The following GRHPR variants were observed in gnomAD, a reference collection of about 807,000 sequenced individuals.
The protein encoded by GRHPR is glyoxylate reductase/hydroxypyruvate reductase.
Under a neutral mutation model 36.8 loss-of-function variants are expected in GRHPR, and 35 were observed. The observed-to-expected ratio is 0.95, with a 90% confidence interval of 0.73 to 1.26. The LOEUF is 1.26. Ranked by LOEUF, GRHPR falls within the 50% of genes most tolerant of loss-of-function variation. The pLI is 0.00. For synonymous variants in GRHPR, 179 were observed against 181.0 expected, an observed-to-expected ratio of 0.99 and a Z score of 0.09; for missense variants, 380 against 435.0, an observed-to-expected ratio of 0.87 and a Z score of 1.12.
At chr9:37,423,342 A>AT (rs35417895) in intron 1 of GRHPR, among the ~76,000 whole-genome samples, 56 of 146,578 alleles carry the variant, frequency 3.8e-4, no homozygotes, top group South Asian at 1.3e-3. Context: ...TAATTTTCTG[A>AT]TTTTTTTTTT....
rs765478360 is a variant in GRHPR at position 37,432,081 on chromosome 9, G to A, written c.808G>A (p.Val270Met). Residue 270 changes from valine to methionine, a missense_variant, in exon 8 of 9, where the codon GTG (valine) becomes ATG (methionine). By Grantham distance (21) the Val-to-Met change is conservative (BLOSUM62 1). Coordinates refer to ENST00000318158, the MANE Select transcript of GRHPR (RefSeq NM_012203.2). ...SGKIAAAGLD[V>M]TSPEPLPTNH... ...TAAGATTGCAGCTGCTGGACTGGAT[G>A]TGACGAGCCCAGAACCACTGCCTAC... 3.7e-6 allele frequency: 6 copies of A among 1,613,996 alleles called. No individual in the cohort carries two copies. Among genetic ancestry groups the A allele is most frequent in the Non-Finnish European group, 1.7e-6 (2 of 1,179,850 alleles).
At chr9:37,437,595 G>A (rs1296362113), downstream of GRHPR, among the ~76,000 whole-genome samples, 1 of 152,170 alleles carries the variant, frequency 6.6e-6, no homozygotes, top group African/African-American at 2.4e-5. Flanking sequence ...TTAGAGGTAG[G>A]TGGGTTTAAT....
chr9:37,435,398 G>T (rs1480175377), intron 8 of GRHPR, among the ~76,000 whole-genome samples: 3 of 152,186 alleles, frequency 2.0e-5, no homozygotes, highest in Non-Finnish European at 2.9e-5. Flanking sequence ...TTTCTATTTG[G>T]ATGGTGAAAA....
intron 8 of GRHPR, 100 bp downstream of exon 8, chr9:37,432,238 G>A: frequency 8.5e-7 from 1 of 1,171,850 alleles, no homozygotes; most frequent in African/African-American, 1.5e-5. Context: ...GTGTGAGCAG[G>A]TGTTGAACCC....
upstream of GRHPR, chr9:37,422,573 G>A (rs562744658): frequency 7.7e-6 from 5 of 647,266 alleles, no homozygotes; most frequent in East Asian, 1.2e-4. Flanking sequence ...GTCACTCCCC[G>A]AGCACGCACA....
chr9:37,427,421 C>G (rs546918240), intron 4 of GRHPR, among the ~76,000 whole-genome samples: 1 of 152,232 alleles, frequency 6.6e-6, no homozygotes, highest in East Asian at 1.9e-4. Flanking sequence ...AGGCTGCTGC[C>G]CAGACACTGC....
At chr9:37,429,655 C>T (rs773515524) in intron 5 of GRHPR, 77 bp from the exon 6 acceptor site, 9 of 945,620 alleles carry the variant, frequency 9.5e-6, no homozygotes, top group Middle Eastern at 2.1e-4. Context: ...CCCTGAGGGC[C>T]GCTGTTCCAG....
Position 37,436,644 on chromosome 9 carries a change from C to CTT in GRHPR, c.866-16_866-15insTT. On this transcript the variant is annotated splice_polypyrimidine_tract_variant and intron_variant, in intron 8 of 8. Transcript: ENST00000318158. Reference sequence around the variant, plus strand: ...CCACCCTTCTTATCTCCCTCTCTCTCTCTCTCTCCTTTCCAGTGATTCTGC... The same window carrying CTT: ...CCACCCTTCTTATCTCCCTCTCTCTCTTTCTCTCTCCTTTCCAGTGATTCTGC... 1 of 1,613,826 alleles carries CTT rather than the reference C, an allele frequency of 6.2e-7. No individual in the cohort carries two copies. The highest frequency in any genetic ancestry group is 1.1e-5 in the South Asian group (1 of 91,056).
Position 37,431,565 on chromosome 9 carries a change from G to A in GRHPR, c.735-443G>A, listed in dbSNP as rs79446538. The A allele has an allele frequency of 6.2e-3, 1,577 of 254,776 alleles. 7 individuals are homozygous for A. The highest frequency in any genetic ancestry group is 1.0e-2 in the Middle Eastern group (7 of 702). 15.8% of individuals were successfully genotyped at this position (254,776 alleles called of 1,614,324 possible). ...CGTTCCTCTGCCCTGGTTTAGACAG[G>A]TACCTGATAGCACACTGTGGTGCTT... is the stretch of plus-strand genomic sequence containing the variant. On this transcript the variant is annotated intron_variant, in intron 7 of 8. Coordinates refer to ENST00000318158, the MANE Select transcript of GRHPR (RefSeq NM_012203.2).
chr9:37,430,211 G>A lies in GRHPR; in HGVS notation c.599-300G>A, dbSNP rs576402760. 6.0e-5 allele frequency: 33 copies of A among 551,460 alleles called. No homozygotes were observed. In the South Asian group the frequency reaches 6.5e-4, roughly 11 times the overall value. The allele number at this position is 551,460 out of a possible 1,614,324, so 34.2% of individuals were successfully genotyped here. A position where few individuals can be genotyped will look rare whatever the true frequency, so the allele number is the denominator to read the frequency against. ...GCCTTTGTGTGCGCCCCTTAGTCCA[G>A]GCGGATCCAGCACCTGGCGGGTCCA... On this transcript the variant is annotated intron_variant, in intron 6 of 8. Transcript: ENST00000318158.
At position 37,425,909 on chromosome 9, in the gene GRHPR, T is replaced by C; in HGVS notation, c.215-13T>C. ...CGAGGAAAGATACTAACAATGCACT[T>C]TCTGCACAACAGGGGCCAATCTCAA... On this transcript the variant is annotated splice_polypyrimidine_tract_variant and intron_variant, in intron 2 of 8. Coordinates refer to ENST00000318158, the MANE Select transcript of GRHPR (RefSeq NM_012203.2). 1 of 1,604,030 alleles carries C rather than the reference T, an allele frequency of 6.2e-7. No individual in the cohort carries two copies. The highest frequency in any genetic ancestry group is 1.7e-5 in the Admixed American group (1 of 59,984).
upstream of GRHPR, chr9:37,422,679 C>A: frequency 8.0e-7 from 1 of 1,254,518 alleles, no homozygotes; most frequent in Non-Finnish European, 1.1e-6. Context: ...CCAGCCTGGC[C>A]CCGCCCCGGC....
intron 1 of GRHPR, 106 bp from the exon 2 acceptor site, chr9:37,424,739 C>CG: frequency 7.4e-7 from 1 of 1,352,526 alleles, no homozygotes; most frequent in Non-Finnish European, 1.0e-6. Context: ...CAGCCAGCCC[C>CG]GGGCAGCCTG....
In GRHPR at chr9:37,422,704, G is replaced by T. The variant is rs764081167; in HGVS notation, c.-47G>T. The T allele has an allele frequency of 1.4e-6, 2 of 1,430,086 alleles. No individual in the cohort carries two copies. Among genetic ancestry groups the T allele is most frequent in the Non-Finnish European group, 1.9e-6 (2 of 1,036,754 alleles). 88.6% of individuals were successfully genotyped at this position (1,430,086 alleles called of 1,614,324 possible). A position where few individuals can be genotyped will look rare whatever the true frequency, so the allele number is the denominator to read the frequency against. ...CCCGCCCCGGCCCAGCTACATTCCC[G>T]GGCCAGCTTCTGTACTGCCAGGTCC... On this transcript the variant is annotated 5_prime_UTR_variant, in exon 1 of 9. Transcript: ENST00000318158.
chr9:37,431,602 T>G, intron 7 of GRHPR: 1 of 258,590 alleles, frequency 3.9e-6, no homozygotes, highest in Non-Finnish European at 7.6e-6. Context: ...TCAGTGGGGG[T>G]CTGGGGGTCA....
chr9:37,427,838 C>CA (rs1157647918), intron 4 of GRHPR: 7,123 of 86,332 alleles, frequency 0.083, 535 homozygotes, highest in African/African-American at 0.26. Flanking sequence ...ACCCTGTCTC[C>CA]AAAAAAAAAA....
intron 1 of GRHPR, among the ~76,000 whole-genome samples, chr9:37,423,117 G>A (rs1274740030): frequency 6.6e-6 from 1 of 152,102 alleles, no homozygotes; most frequent in East Asian, 1.9e-4. Context: ...CAGGCCCTTG[G>A]ACGTTTGGCA....
intron 8 of GRHPR, chr9:37,434,481 TC>T: frequency 1.8e-6 from 1 of 561,192 alleles, no homozygotes; most frequent in Admixed American, 2.5e-5. Context: ...CAGATCTTTG[TC>T]CCCAAGAAGG....
Position 37,422,770 on chromosome 9 carries a change from T to G in GRHPR, c.20T>G (p.Met7Arg), listed in dbSNP as rs1358053668. 3 of 1,596,780 alleles carry G rather than the reference T, an allele frequency of 1.9e-6. No homozygotes were observed. The highest frequency in any genetic ancestry group is 8.5e-7 in the Non-Finnish European group (1 of 1,173,294). The change falls in exon 1 of 9, where the codon ATG becomes AGG. Residue 7 changes from methionine to arginine, a missense_variant. Transcript: ENST00000318158. ...CTGCGGATGAGACCGGTGCGACTCATGAAGGTGTTCGTCACCCGCAGGATA... is the reference window on the plus strand; with the variant it reads ...CTGCGGATGAGACCGGTGCGACTCAGGAAGGTGTTCGTCACCCGCAGGATA... MRPVRL[M>R]KVFVTRRIPA...
Sources: allele counts gnomAD v4.1 joint callset (sites outside exome capture counted in the v4.1 genomes callset), GRCh38; gene constraint gnomAD v4.1.1; transcripts MANE v1.5; gene names NCBI Gene and HGNC (gene_info 2026-07-23, HGNC 2026-07-21).